OLAH: variants seen among roughly 807,000 people sequenced by gnomAD.
OLAH encodes S-acyl fatty acid synthase thioesterase, medium chain.
OLAH carries 33 observed loss-of-function variants against 27.8 expected under a neutral mutation model. The ratio of observed to expected loss-of-function variants is 1.19; its 90% CI spans 0.90 to 1.59. The LOEUF is 1.59. Ranked by LOEUF, OLAH falls within the 40% of genes most tolerant of loss-of-function variation. The probability of loss-of-function intolerance (pLI) is 0.00; values close to 1 mark genes in which losing one functional copy is unlikely to be tolerated. For missense variants in OLAH, 359 were observed against 310.8 expected (o/e 1.16, Z -1.17); for synonymous variants, 120 against 102.9 (o/e 1.17, Z -1.01).
chr10:15,039,513 G>T (rs1287606106), upstream of OLAH, among the ~76,000 whole-genome samples: 2 of 152,160 alleles, frequency 1.3e-5, no homozygotes, highest in African/African-American at 4.8e-5. Flanking sequence ...GGAGGCGGAG[G>T]TTGCAGTGAG....
chr10:15,065,887 A>G (rs1844457993), intron 6 of OLAH, 134 bp downstream of exon 6: 2 of 732,050 alleles, frequency 2.7e-6, no homozygotes, highest in Non-Finnish European at 4.4e-6. Flanking sequence ...CTTTGGGGCC[A>G]CCTATGGTAT....
chr10:15,056,671 C>T (rs117077612), intron 3 of OLAH, among the ~76,000 whole-genome samples: 4 of 151,926 alleles, frequency 2.6e-5, no homozygotes, highest in Non-Finnish European at 5.9e-5. Flanking sequence ...TGCTCTGTTG[C>T]CCAGGCTGGA....
chr10:15,053,485 G>C (rs1485352741), intron 3 of OLAH, among the ~76,000 whole-genome samples: 1 of 152,172 alleles, frequency 6.6e-6, no homozygotes, highest in East Asian at 1.9e-4. Context: ...TACAACTCCA[G>C]TAAACACACT....
chr10:15,071,262 C>A (rs894164081), intron 6 of OLAH, among the ~76,000 whole-genome samples: 4 of 152,298 alleles, frequency 2.6e-5, no homozygotes, highest in African/African-American at 9.6e-5. Context: ...GACTTGATAG[C>A]ACCTTCCATC....
upstream of OLAH, among the ~76,000 whole-genome samples, chr10:15,041,185 A>T (rs1344443817): frequency 6.6e-6 from 1 of 152,206 alleles, no homozygotes; most frequent in Non-Finnish European, 1.5e-5. Flanking sequence ...CTGGATTAGA[A>T]TTATCCCATT....
rs117299267 is a variant in OLAH at position 15,065,567 on chromosome 10, G to T, written c.403-17G>T. On this transcript the variant is annotated splice_polypyrimidine_tract_variant and intron_variant, in intron 5 of 7. Transcript: ENST00000378228. ...TTATATGAAATATCAGGCCTGTGTT[G>T]TTGTTCATGTTTCAAGTCAAAGGCC... 4.1e-4 allele frequency: 656 copies of T among 1,601,610 alleles called. 1 individual carries two copies. The East Asian group carries it at 0.012, about 30-fold the overall frequency.
rs1488098903 is a variant in OLAH at position 15,034,413 on chromosome 10, G to C, written c.-164+2063G>C. On this transcript the variant is annotated intron_variant, in intron 1 of 3. Coordinates refer to the OLAH transcript ENST00000413672. The stretch of plus-strand genomic sequence containing the variant: ...CTCCCAGAGTACTGGGATTACAGGA[G>C]TAAGCCACTGCACCCAGCCGACTCT... Among the ~76,000 whole-genome samples the C allele has an allele frequency of 4.6e-5, 7 of 152,248 alleles. No homozygotes were observed. The South Asian group carries it at 1.0e-3, about 23-fold the overall frequency.
chr10:15,054,333 G>T (rs1015163691), intron 3 of OLAH, among the ~76,000 whole-genome samples: 2 of 152,046 alleles, frequency 1.3e-5, no homozygotes, highest in African/African-American at 4.8e-5. Flanking sequence ...GAGCCACCCC[G>T]CCTGGCCTTT....
chr10:15,064,412 C>A lies in OLAH; in HGVS notation c.312C>A (p.Ser104=). ...PFAFFGHSMG[S]YIAFRTALGL... ...TCTTTGCTGAATTTAGTATGGGATC[C>A]TACATTGCTTTTAGGACTGCACTAG... Residue 104 remains serine, a synonymous_variant, in exon 5 of 8, where the codon TCC becomes TCA. Coordinates refer to ENST00000378228, the MANE Select transcript of OLAH (RefSeq NM_001039702.3). 6.3e-7 allele frequency: 1 copy of A among 1,591,078 alleles called. No homozygotes were observed. The highest frequency in any genetic ancestry group is 8.6e-7 in the Non-Finnish European group (1 of 1,168,760).
At chr10:15,051,063 A>T (rs938619149) in intron 3 of OLAH, among the ~76,000 whole-genome samples, 4 of 64,892 alleles carry the variant, frequency 6.2e-5, no homozygotes, top group Non-Finnish European at 5.5e-5. Flanking sequence ...AAGACTGTTT[A>T]TTATTATTAT....
At chr10:15,070,185 T>C (rs1005140445) in intron 6 of OLAH, among the ~76,000 whole-genome samples, 2 of 150,614 alleles carry the variant, frequency 1.3e-5, no homozygotes, top group African/African-American at 4.9e-5. Context: ...GGATGGAGTG[T>C]GGGGTGCTGC....
intron 2 of OLAH, chr10:15,047,529 T>C: frequency 1.8e-6 from 1 of 551,844 alleles, no homozygotes; most frequent in East Asian, 3.2e-5. Flanking sequence ...ACCCTGTCTC[T>C]ACTAAAAATA....
At chr10:15,043,750 G>A (rs1295239226), upstream of OLAH, 1 of 152,136 alleles carries the variant, frequency 6.6e-6, no homozygotes, top group African/African-American at 2.4e-5. Context: ...TTACTGGTGT[G>A]AGCCACTGCA....
chr10:15,054,204 T>C (rs903393744), intron 3 of OLAH, among the ~76,000 whole-genome samples: 2 of 151,854 alleles, frequency 1.3e-5, no homozygotes, highest in African/African-American at 4.8e-5. Flanking sequence ...CCATGCCCAG[T>C]TGATTTTTGT....
At chr10:15,037,762 C>A (rs1843863373) in intron 1 of OLAH, among the ~76,000 whole-genome samples, 1 of 152,152 alleles carries the variant, frequency 6.6e-6, no homozygotes, top group African/African-American at 2.4e-5. Flanking sequence ...GCTGGTAGAA[C>A]TTGCCTGAAT....
intron 1 of OLAH, among the ~76,000 whole-genome samples, chr10:15,044,533 C>T (rs965676548): frequency 6.6e-6 from 1 of 151,882 alleles, no homozygotes; most frequent in African/African-American, 2.4e-5. Flanking sequence ...CGGCTCACTA[C>T]TGTCTTTTTC....
At chr10:15,060,691 A>G (rs1183226967) in intron 3 of OLAH, among the ~76,000 whole-genome samples, 1 of 151,762 alleles carries the variant, frequency 6.6e-6, no homozygotes, top group Non-Finnish European at 1.5e-5. Context: ...GTATTTAATA[A>G]CCGTTTAAGG....
At chr10:15,069,974 T>C (rs1350681893) in intron 6 of OLAH, among the ~76,000 whole-genome samples, 1 of 152,198 alleles carries the variant, frequency 6.6e-6, no homozygotes, top group Non-Finnish European at 1.5e-5. Flanking sequence ...TTGAGTCTTA[T>C]CGCATGTACA....
intron 1 of OLAH, among the ~76,000 whole-genome samples, chr10:15,044,629 C>A (rs1234896517): frequency 1.3e-5 from 2 of 151,956 alleles, no homozygotes; most frequent in Admixed American, 6.6e-5. Context: ...TAAAAATTGT[C>A]TCCTGGTGAC....
Sources: gnomAD v4.1 joint callset for allele counts (sites outside exome capture counted in the v4.1 genomes callset) on GRCh38, gnomAD v4.1.1 for gene constraint, MANE v1.5 for transcripts, NCBI Gene and HGNC (gene_info 2026-07-23, HGNC 2026-07-21) for gene names.